SLC30A7: variants seen among roughly 807,000 people sequenced by gnomAD.
SLC30A7 encodes zinc transporter 7.
In SLC30A7, 35 loss-of-function variants were observed where a neutral mutation model predicts 46.0. The ratio of observed to expected loss-of-function variants is 0.76; its 90% CI spans 0.58 to 1.01. The LOEUF is 1.01. SLC30A7 is among the 50% of genes least tolerant of loss of function. SLC30A7 has a pLI of 0.00. For missense variants in SLC30A7, 464 were observed against 451.1 expected (o/e 1.03, Z -0.26); for synonymous variants, 147 against 157.8 (o/e 0.93, Z 0.51).
chr1:100,906,861 G>A lies in SLC30A7; in HGVS notation c.192G>A (p.Leu64=), dbSNP rs749701445. 1 of 1,611,996 alleles carries A rather than the reference G, an allele frequency of 6.2e-7. No homozygotes were observed. Among genetic ancestry groups the A allele is most frequent in the South Asian group, 1.1e-5 (1 of 90,978 alleles). Residue 64 remains leucine (L), a synonymous_variant, in exon 3 of 11, where the codon TTG becomes TTA. Transcript: ENST00000357650. The part of the protein sequence containing the change: ...LYGIWSNCLG[L]ISDSFHMFFD... ...GTTTGTTCTTTTCCAGCTTAGGCTT[G>A]ATTTCCGACTCTTTTCACATGTTTT...
chr1:100,904,404 A>C (rs933845932), intron 2 of SLC30A7, among the ~76,000 whole-genome samples: 14 of 151,904 alleles, frequency 9.2e-5, no homozygotes, highest in African/African-American at 3.4e-4. Context: ...CAAATTCCCC[A>C]CTGGTTCATA....
chr1:100,956,212 C>A (rs1038492008), intron 8 of SLC30A7, among the ~76,000 whole-genome samples: 2 of 151,900 alleles, frequency 1.3e-5, no homozygotes, highest in South Asian at 2.1e-4. Context: ...AAATGTTTAT[C>A]TACATATTGT....
At position 100,980,035 on chromosome 1, in the gene SLC30A7, G is replaced by C. The variant is rs1437434115; in HGVS notation, c.*5178G>C. 6.6e-6 allele frequency: 1 copy of C among 151,978 alleles called. No individual in the cohort carries two copies. The highest frequency in any genetic ancestry group is 1.5e-5 in the Non-Finnish European group (1 of 67,956). 9.4% of individuals were successfully genotyped at this position (151,978 alleles called of 1,614,324 possible). A position where few individuals can be genotyped will look rare whatever the true frequency, so the allele number is the denominator to read the frequency against. On this transcript the variant is annotated 3_prime_UTR_variant, in exon 11 of 11. Transcript: ENST00000357650. ...ATGATTATTTCCTACCTTTACCATT[G>C]ATCTTAAACTGTGCAGGCTAAAAAG...
At chr1:100,934,854 A>C (rs1653857226) in intron 8 of SLC30A7, among the ~76,000 whole-genome samples, 1 of 152,136 alleles carries the variant, frequency 6.6e-6, no homozygotes, top group South Asian at 2.1e-4. Flanking sequence ...GTACCCATGT[A>C]AGAAACTGCT....
intron 8 of SLC30A7, among the ~76,000 whole-genome samples, chr1:100,923,686 G>A (rs1341038198): frequency 6.6e-6 from 1 of 152,154 alleles, no homozygotes; most frequent in Non-Finnish European, 1.5e-5. Context: ...TGCTGAGGCC[G>A]GAGGATCTCT....
At chr1:100,985,735 T>C (rs1266498781), downstream of SLC30A7, among the ~76,000 whole-genome samples, 1 of 151,918 alleles carries the variant, frequency 6.6e-6, no homozygotes, top group Non-Finnish European at 1.5e-5. Flanking sequence ...GATCTAAAAC[T>C]CACTTCATAC....
chr1:100,900,886 C>A (rs1163837582), intron 2 of SLC30A7, among the ~76,000 whole-genome samples: 1 of 152,106 alleles, frequency 6.6e-6, no homozygotes, highest in Non-Finnish European at 1.5e-5. Flanking sequence ...TACCAATAGA[C>A]CTTTTAAACA....
At chr1:100,912,876 T>TA (rs543797990) in intron 5 of SLC30A7, among the ~76,000 whole-genome samples, 167 of 137,780 alleles carry the variant, frequency 1.2e-3, no homozygotes, top group African/African-American at 1.9e-3. Context: ...AGACTCTGTC[T>TA]AAAAAAAAAA....
intron 8 of SLC30A7, among the ~76,000 whole-genome samples, chr1:100,955,575 T>G (rs1444322160): frequency 2.6e-5 from 4 of 152,194 alleles, no homozygotes; most frequent in Admixed American, 2.0e-4. Flanking sequence ...ATGCTTACTT[T>G]TTGGGTTTGG....
chr1:100,909,484 C>A (rs1470762333), intron 3 of SLC30A7, among the ~76,000 whole-genome samples: 6 of 152,050 alleles, frequency 3.9e-5, no homozygotes, highest in African/African-American at 1.4e-4. Context: ...TATTTTTCTT[C>A]CTGGCTCAAG....
intron 2 of SLC30A7, among the ~76,000 whole-genome samples, chr1:100,904,203 T>G (rs1441786928): frequency 6.6e-6 from 1 of 152,184 alleles, no homozygotes; most frequent in Non-Finnish European, 1.5e-5. Context: ...TTCAGAAGCT[T>G]GTTTTTAAAG....
At chr1:100,991,659 T>C in the SLC30A7 span, among the ~76,000 whole-genome samples, 1 of 151,366 alleles carries the variant, frequency 6.6e-6, no homozygotes, top group African/African-American at 2.4e-5. Context: ...TGTGGTGGCA[T>C]GCACCTGTAG....
intron 8 of SLC30A7, among the ~76,000 whole-genome samples, chr1:100,929,923 G>A (rs1224086213): frequency 6.6e-6 from 1 of 151,898 alleles, no homozygotes; most frequent in Non-Finnish European, 1.5e-5. Flanking sequence ...AGGTGAGTTG[G>A]GATAGAAGAT....
chr1:100,952,731 G>C (rs990612752), intron 8 of SLC30A7, among the ~76,000 whole-genome samples: 1 of 152,136 alleles, frequency 6.6e-6, no homozygotes, highest in African/African-American at 2.4e-5. Flanking sequence ...CATTTAAGAG[G>C]ACAAAAGATT....
chr1:100,992,627 T>G, the SLC30A7 span: 3 of 1,605,826 alleles, frequency 1.9e-6, no homozygotes, highest in Non-Finnish European at 1.7e-6. Context: ...CCTTCTAGTG[T>G]CTTGAGTACC....
rs756685376 is a variant in SLC30A7, at chr1:100,965,882, G to A, written c.1047G>A (p.Arg349=). 9 of 1,613,776 alleles carry A rather than the reference G, an allele frequency of 5.6e-6. No homozygotes were observed. Among genetic ancestry groups the A allele is most frequent in the South Asian group, 2.2e-5 (2 of 90,956 alleles). The change falls in exon 10 of 11, where the codon AGG becomes AGA. Residue 349 remains arginine (R), a synonymous_variant. Transcript: ENST00000357650. ...KLIVAPDADA[R]WILSQTHNIF... is the part of the protein sequence containing the mutation. ...TAGTAGCACCTGATGCTGATGCTAG[G>A]TGGATTTTAAGCCAAACACATAATA...
rs968018311 is a variant in SLC30A7 at position 100,976,991 on chromosome 1, T to A, written c.*2134T>A. 1 of 148,698 alleles carries A rather than the reference T, an allele frequency of 6.7e-6. No individual in the cohort carries two copies. Among genetic ancestry groups the A allele is most frequent in the Non-Finnish European group, 1.5e-5 (1 of 67,024 alleles). 9.2% of individuals were successfully genotyped at this position (148,698 alleles called of 1,614,324 possible). A position where few individuals can be genotyped will look rare whatever the true frequency, so the allele number is the denominator to read the frequency against. Reference sequence around the variant, plus strand: ...GGAAGTGTCCTGATAATGGTACTGGTTTTTCTACAAATATAAGTAGTCATT... The same window carrying A: ...GGAAGTGTCCTGATAATGGTACTGGATTTTCTACAAATATAAGTAGTCATT... On this transcript the variant is annotated 3_prime_UTR_variant, in exon 11 of 11. Transcript: ENST00000357650.
intron 8 of SLC30A7, among the ~76,000 whole-genome samples, chr1:100,942,991 A>G (rs1368463548): frequency 6.6e-6 from 1 of 152,240 alleles, no homozygotes; most frequent in African/African-American, 2.4e-5. Context: ...CTGAGGTCCT[A>G]TAATCACATT....
intron 3 of SLC30A7, among the ~76,000 whole-genome samples, chr1:100,907,590 T>C (rs1570508686): frequency 6.6e-6 from 1 of 152,270 alleles, no homozygotes; most frequent in East Asian, 1.9e-4. Flanking sequence ...TAGCTATATA[T>C]ATGTGTAAGC....
Sources: allele counts gnomAD v4.1 joint callset (sites outside exome capture counted in the v4.1 genomes callset), GRCh38; gene constraint gnomAD v4.1.1; transcripts MANE v1.5; gene names NCBI Gene and HGNC (gene_info 2026-07-23, HGNC 2026-07-21).